The following TBC1D9 variants were observed in gnomAD, a reference collection of about 807,000 sequenced individuals.
TBC1D9 encodes TBC1 domain family member 9.
In TBC1D9, 63 loss-of-function variants were observed where a neutral mutation model predicts 132.0. That is an observed-to-expected ratio of 0.48 (90% CI 0.39 to 0.59). TBC1D9 has a LOEUF of 0.59. Ranked by LOEUF, TBC1D9 falls within the 20% of genes least tolerant of loss-of-function variation. The pLI is 0.00. For missense variants in TBC1D9, 1,261 were observed against 1,592.7 expected (o/e 0.79, Z 3.54); for synonymous variants, 610 against 609.9 (o/e 1.00, Z 0.00).
chr4:140,755,855 C>T, intron 1 of TBC1D9, 61 bp downstream of exon 1: 3 of 1,436,908 alleles, frequency 2.1e-6, no homozygotes, highest in African/African-American at 3.1e-5. Context: ...GCAGCCCAGG[C>T]CGCGGGCGGC....
At chr4:140,659,526 C>A in intron 11 of TBC1D9, 62 bp downstream of exon 11, 1 of 1,202,590 alleles carries the variant, frequency 8.3e-7, no homozygotes, top group South Asian at 1.4e-5. Flanking sequence ...CTGGCTGGCA[C>A]CTCTCTAAAA....
chr4:140,735,474 C>T (rs1738658632), intron 1 of TBC1D9, among the ~76,000 whole-genome samples: 1 of 152,124 alleles, frequency 6.6e-6, no homozygotes, highest in African/African-American at 2.4e-5. Context: ...TACTTTGGGA[C>T]ATTGAGGCAG....
chr4:140,687,342 T>TGTGTGATATATATATA (rs1560885798), intron 2 of TBC1D9, among the ~76,000 whole-genome samples: 1 of 54,526 alleles, frequency 1.8e-5, no homozygotes, highest in Non-Finnish European at 3.6e-5. Flanking sequence ...TGTGTGTGTG[T>TGTGTGATATATATATA]CATATATATA....
At chr4:140,696,754 G>C (rs1002764431) in intron 2 of TBC1D9, among the ~76,000 whole-genome samples, 1 of 152,128 alleles carries the variant, frequency 6.6e-6, no homozygotes, top group African/African-American at 2.4e-5. Context: ...GCTTATTAAA[G>C]ATTTACAAAA....
At chr4:140,631,691 G>T (rs1232003356) in intron 16 of TBC1D9, among the ~76,000 whole-genome samples, 2 of 151,624 alleles carry the variant, frequency 1.3e-5, no homozygotes, top group Admixed American at 1.3e-4. Context: ...CTGCCTCCTG[G>T]GTTCAAGTGA....
At chr4:140,726,907 C>A (rs1738510917) in intron 1 of TBC1D9, among the ~76,000 whole-genome samples, 1 of 152,140 alleles carries the variant, frequency 6.6e-6, no homozygotes, top group African/African-American at 2.4e-5. Flanking sequence ...AGTCAAGCTG[C>A]CTCTGTCATT....
rs1465826040 is a variant in TBC1D9, at chr4:140,657,727, C to T, written c.2007G>A (p.Val669=). 1 of 1,614,006 alleles carries T rather than the reference C, an allele frequency of 6.2e-7. No individual in the cohort carries two copies. The highest frequency in any genetic ancestry group is 1.7e-5 in the Admixed American group (1 of 60,028). The change falls in exon 12 of 21, where the codon GTG becomes GTA. Residue 669 remains valine, a synonymous_variant. Transcript: ENST00000442267. The part of the protein sequence containing the change: ...QLYDCMQDLG[V]ISTISLSWFL... ...ACCAAGACAGGGAGATGGTGGAAAT[C>T]ACGCCCAGGTCTTGCATGCAGTCGT... is the stretch of plus-strand genomic sequence containing the variant.
At chr4:140,672,749 C>T (rs540673243) in intron 6 of TBC1D9, among the ~76,000 whole-genome samples, 1 of 152,276 alleles carries the variant, frequency 6.6e-6, no homozygotes, top group African/African-American at 2.4e-5. Context: ...AGAACAATTA[C>T]ATTAGAGTCT....
chr4:140,741,318 T>C (rs1430332415), intron 1 of TBC1D9, among the ~76,000 whole-genome samples: 2 of 152,204 alleles, frequency 1.3e-5, no homozygotes, highest in Non-Finnish European at 2.9e-5. Context: ...CTATCTCTTG[T>C]GGGGGAAATC....
intron 2 of TBC1D9, among the ~76,000 whole-genome samples, chr4:140,688,724 A>G (rs1470296121): frequency 1.3e-5 from 2 of 152,182 alleles, no homozygotes; most frequent in African/African-American, 4.8e-5. Context: ...TCAGAGAAAT[A>G]CTATGAAAAT....
At chr4:140,713,747 A>AT (rs1162399299) in intron 1 of TBC1D9, among the ~76,000 whole-genome samples, 1 of 52,994 alleles carries the variant, frequency 1.9e-5, no homozygotes, top group Non-Finnish European at 3.1e-5. Context: ...CTGAAAAAGA[A>AT]TTAAAAAAAA....
intron 1 of TBC1D9, among the ~76,000 whole-genome samples, chr4:140,727,767 A>C (rs1738523047): frequency 6.6e-6 from 1 of 152,088 alleles, no homozygotes; most frequent in South Asian, 2.1e-4. Flanking sequence ...ACAAGTGAAT[A>C]AATGAATGAA....
In TBC1D9 at chr4:140,639,122, G is replaced by T. The variant is rs761593703; in HGVS notation, c.2469C>A (p.Thr823=). 29 of 1,588,984 alleles carry T rather than the reference G, an allele frequency of 1.8e-5. No individual in the cohort carries two copies. The highest frequency in any genetic ancestry group is 2.4e-5 in the Non-Finnish European group (28 of 1,166,492). Residue 823 remains threonine, a synonymous_variant, in exon 15 of 21, where the codon ACC becomes ACA. Coordinates refer to ENST00000442267, the MANE Select transcript of TBC1D9 (RefSeq NM_015130.3). ...VRTIVTETSF[T]IDELEELYAL... is the part of the protein sequence containing the mutation. Reference sequence around the variant, plus strand: ...CATAAAGTTCTTCCAGCTCATCAATGGTAAAGGAAGTTTCTGTCACAATGG... The same window carrying T: ...CATAAAGTTCTTCCAGCTCATCAATTGTAAAGGAAGTTTCTGTCACAATGG...
At chr4:140,724,249 A>G (rs996357396) in intron 1 of TBC1D9, among the ~76,000 whole-genome samples, 1 of 152,158 alleles carries the variant, frequency 6.6e-6, no homozygotes, top group African/African-American at 2.4e-5. Context: ...ATCCACTCAA[A>G]AGTACCAAGA....
intron 13 of TBC1D9, among the ~76,000 whole-genome samples, chr4:140,640,446 G>A (rs1201640035): frequency 9.0e-6 from 1 of 111,312 alleles, no homozygotes; most frequent in Non-Finnish European, 1.9e-5. Flanking sequence ...GGGTGGTGGG[G>A]TGGGGGGGGG....
chr4:140,632,017 C>T (rs1736802509), intron 16 of TBC1D9, among the ~76,000 whole-genome samples: 1 of 152,172 alleles, frequency 6.6e-6, no homozygotes, highest in South Asian at 2.1e-4. Context: ...TGAGAGTTCT[C>T]CCACTAATCT....
In TBC1D9 at chr4:140,622,492, C is replaced by T; in HGVS notation, c.3504G>A (p.Leu1168=). ...TGTCCTCCTCGTGGGAGCCGGCACTCAGCACCGAGTATGAGGACATGGAGC... is the reference window on the plus strand; with the variant it reads ...TGTCCTCCTCGTGGGAGCCGGCACTTAGCACCGAGTATGAGGACATGGAGC... ...DDSSMSSYSV[L]SAGSHEEDKL... The change falls in exon 21 of 21, where the codon CTG becomes CTA. Residue 1168 remains leucine, a synonymous_variant. Coordinates refer to ENST00000442267, the MANE Select transcript of TBC1D9 (RefSeq NM_015130.3). The T allele has an allele frequency of 6.2e-7, 1 of 1,614,064 alleles. No homozygotes were observed. Among genetic ancestry groups the T allele is most frequent in the South Asian group, 1.1e-5 (1 of 91,090 alleles).
intron 13 of TBC1D9, among the ~76,000 whole-genome samples, chr4:140,651,381 T>G (rs1737185305): frequency 1.3e-5 from 2 of 152,158 alleles, no homozygotes; most frequent in Non-Finnish European, 2.9e-5. Context: ...AAGGATGGCT[T>G]GAGCCTGGGA....
intron 3 of TBC1D9, among the ~76,000 whole-genome samples, chr4:140,686,110 T>C (rs976471250): frequency 6.6e-6 from 1 of 151,960 alleles, no homozygotes; most frequent in Non-Finnish European, 1.5e-5. Context: ...ATATGTAAAA[T>C]ATCATGTTAT....
Sources: allele counts gnomAD v4.1 joint callset (sites outside exome capture counted in the v4.1 genomes callset), GRCh38; gene constraint gnomAD v4.1.1; transcripts MANE v1.5; gene names NCBI Gene and HGNC (gene_info 2026-07-23, HGNC 2026-07-21).